The following WDFY3 variants were observed in gnomAD, a reference collection of about 807,000 sequenced individuals.
WDFY3 encodes the protein WD repeat and FYVE domain-containing protein 3.
A neutral mutation model predicts 409.6 loss-of-function variants in WDFY3; 66 were observed. That is an observed-to-expected ratio of 0.16 (90% CI 0.13 to 0.20). The LOEUF (loss-of-function observed/expected upper bound fraction) is 0.20. WDFY3 is among the 10% of genes least tolerant of loss of function. WDFY3 has a pLI of 1.00. For synonymous variants in WDFY3, 1,521 were observed against 1,537.1 expected (o/e 0.99, Z 0.25); for missense variants, 3,031 against 4,298.1 (o/e 0.71, Z 8.24).
chr4:84,765,755 A>G (rs1396198578), intron 32 of WDFY3, 55 bp downstream of exon 32: 1 of 1,512,342 alleles, frequency 6.6e-7, no homozygotes, highest in African/African-American at 1.4e-5. Flanking sequence ...AAAATTTAAA[A>G]TAAAACAAAA....
intron 43 of WDFY3, among the ~76,000 whole-genome samples, chr4:84,733,934 C>A (rs1274631714): frequency 1.3e-5 from 2 of 151,980 alleles, no homozygotes; most frequent in Non-Finnish European, 2.9e-5. Flanking sequence ...AAATGGTTAG[C>A]CCTATGTGCG....
At chr4:84,930,434 C>T (rs1770613876) in intron 2 of WDFY3, among the ~76,000 whole-genome samples, 1 of 152,040 alleles carries the variant, frequency 6.6e-6, no homozygotes, top group Non-Finnish European at 1.5e-5. Flanking sequence ...ATAATAATAC[C>T]ATGAGCTACC....
At chr4:84,682,596 A>T in intron 63 of WDFY3, 126 bp from the exon 64 acceptor site, 1 of 762,900 alleles carries the variant, frequency 1.3e-6, no homozygotes. Flanking sequence ...TTATACAGTT[A>T]GATTTCCCGT....
chr4:84,697,089 C>T (rs1730270359), intron 56 of WDFY3, among the ~76,000 whole-genome samples: 1 of 152,216 alleles, frequency 6.6e-6, no homozygotes, highest in Non-Finnish European at 1.5e-5. Context: ...CCAAGCGAAA[C>T]ATGCTTCTTT....
chr4:84,783,923 A>G, intron 24 of WDFY3, among the ~76,000 whole-genome samples: 1 of 151,890 alleles, frequency 6.6e-6, no homozygotes, highest in East Asian at 1.9e-4. Flanking sequence ...AGAGTTGTCA[A>G]TACTTACAGT....
At chr4:84,756,388 C>T (rs1329806458) in intron 33 of WDFY3, among the ~76,000 whole-genome samples, 2 of 151,934 alleles carry the variant, frequency 1.3e-5, no homozygotes, top group East Asian at 1.9e-4. Context: ...AGTTCAAGAC[C>T]AGCTAGGCCA....
At chr4:84,788,965 A>C (rs565231720) in intron 22 of WDFY3, among the ~76,000 whole-genome samples, 1 of 152,198 alleles carries the variant, frequency 6.6e-6, no homozygotes, top group East Asian at 1.9e-4. Context: ...GGTTGCGGTG[A>C]GCTGAGATCG....
intron 3 of WDFY3, among the ~76,000 whole-genome samples, chr4:84,895,751 T>C (rs763694778): frequency 1.2e-4 from 19 of 152,150 alleles, no homozygotes; most frequent in South Asian, 2.1e-4. Flanking sequence ...CACAGTGGTA[T>C]GAGAGATTAC....
intron 3 of WDFY3, among the ~76,000 whole-genome samples, chr4:84,890,272 G>T (rs1043673144): frequency 1.3e-5 from 2 of 152,014 alleles, no homozygotes; most frequent in Admixed American, 1.3e-4. Flanking sequence ...GCTAATTTTT[G>T]TATTTTTTGT....
At chr4:84,843,372 T>C (rs1448476971) in intron 5 of WDFY3, among the ~76,000 whole-genome samples, 3 of 152,186 alleles carry the variant, frequency 2.0e-5, no homozygotes, top group East Asian at 3.8e-4. Flanking sequence ...ATATGTGTCA[T>C]TAAGAATATT....
chr4:84,838,453 A>G (rs1037050789), intron 6 of WDFY3, among the ~76,000 whole-genome samples: 2 of 152,228 alleles, frequency 1.3e-5, no homozygotes, highest in Non-Finnish European at 2.9e-5. Flanking sequence ...AAGTGTTACA[A>G]ACAAAAAGTA....
chr4:84,948,231 C>G (rs915583968), intron 1 of WDFY3, among the ~76,000 whole-genome samples: 6 of 152,140 alleles, frequency 3.9e-5, no homozygotes, highest in Non-Finnish European at 8.8e-5. Flanking sequence ...AACCCTCATG[C>G]CTAACATGCT....
At chr4:84,744,785 G>A (rs1373039621) in intron 36 of WDFY3, among the ~76,000 whole-genome samples, 4 of 145,808 alleles carry the variant, frequency 2.7e-5, no homozygotes, top group Non-Finnish European at 6.0e-5. Context: ...CCCGGGAGGC[G>A]GAGCTTGCAG....
intron 2 of WDFY3, among the ~76,000 whole-genome samples, chr4:84,909,662 A>G (rs944007829): frequency 2.0e-5 from 3 of 152,036 alleles, no homozygotes; most frequent in Non-Finnish European, 4.4e-5. Flanking sequence ...TGAAATCTCA[A>G]GATTTTCAGT....
intron 44 of WDFY3, among the ~76,000 whole-genome samples, chr4:84,730,959 G>A (rs2149151624): frequency 6.6e-6 from 1 of 152,122 alleles, no homozygotes; most frequent in African/African-American, 2.4e-5. Flanking sequence ...CACCACACTT[G>A]GCTAATTTTC....
intron 44 of WDFY3, among the ~76,000 whole-genome samples, chr4:84,727,726 G>C (rs533525781): frequency 8.5e-5 from 13 of 152,162 alleles, no homozygotes; most frequent in African/African-American, 3.1e-4. Flanking sequence ...ATGACTTCTG[G>C]TACCTTTCCC....
chr4:84,702,245 AT>A (rs1560557958), intron 56 of WDFY3, 107 bp downstream of exon 56: 1 of 1,220,584 alleles, frequency 8.2e-7, no homozygotes, highest in Non-Finnish European at 1.1e-6. Context: ...ACTGTATCAA[AT>A]TTTTTTCTTG....
chr4:84,913,808 T>G (rs1220639205), intron 2 of WDFY3, among the ~76,000 whole-genome samples: 1 of 150,624 alleles, frequency 6.6e-6, no homozygotes, highest in Non-Finnish European at 1.5e-5. Context: ...TGACACCAAG[T>G]GTGCCTGCCT....
At chr4:84,947,698 C>T (rs935675915) in intron 1 of WDFY3, among the ~76,000 whole-genome samples, 3 of 146,140 alleles carry the variant, frequency 2.1e-5, no homozygotes, top group Non-Finnish European at 3.0e-5. Context: ...TATCAAAAAA[C>T]CCCACATCTA....
Sources: allele counts gnomAD v4.1 joint callset (sites outside exome capture counted in the v4.1 genomes callset), GRCh38; gene constraint gnomAD v4.1.1; transcripts MANE v1.5; gene names NCBI Gene and HGNC (gene_info 2026-07-23, HGNC 2026-07-21).